The following CFAP61 variants were observed in gnomAD, a reference collection of about 807,000 sequenced individuals.
CFAP61 encodes the protein cilia and flagella associated protein 61.
In CFAP61, 107 loss-of-function variants were observed where a neutral mutation model predicts 135.6. The observed-to-expected ratio is 0.79, with a 90% CI of 0.67 to 0.93. The LOEUF is 0.93. CFAP61 is among the 40% of genes least tolerant of loss of function. The probability of loss-of-function intolerance (pLI) is 0.00; values close to 1 mark genes in which losing one functional copy is unlikely to be tolerated. For missense variants in CFAP61, 1,507 were observed against 1,556.2 expected (o/e 0.97, Z 0.53); for synonymous variants, 575 against 578.5 (o/e 0.99, Z 0.09).
At chr20:20,148,517 G>A (rs985872974) in intron 9 of CFAP61, among the ~76,000 whole-genome samples, 1 of 149,104 alleles carries the variant, frequency 6.7e-6, no homozygotes, top group African/African-American at 2.4e-5. Flanking sequence ...TTTTGTTTTT[G>A]TATTTGTGGG....
chr20:20,108,869 C>T (rs1324646453), intron 8 of CFAP61, among the ~76,000 whole-genome samples: 1 of 152,208 alleles, frequency 6.6e-6, no homozygotes, highest in Non-Finnish European at 1.5e-5. Context: ...AGGAAATTAA[C>T]ATGAATATGT....
At chr20:20,167,900 CTGCAGGGA>C (rs1468602520) in intron 12 of CFAP61, among the ~76,000 whole-genome samples, 1 of 152,202 alleles carries the variant, frequency 6.6e-6, no homozygotes, top group Non-Finnish European at 1.5e-5. Flanking sequence ...CAGGCTGCTT[CTGCAGGGA>C]CCTGGCAGAG....
intron 1 of CFAP61, chr20:20,055,897 T>G (rs1175011547): frequency 7.3e-7 from 1 of 1,370,004 alleles, no homozygotes; most frequent in Admixed American, 1.7e-5. Flanking sequence ...GAAGAGAGAC[T>G]TACAGAAATT....
rs114946489 is a variant in CFAP61 at position 20,359,779 on chromosome 20, T to A, written c.3514-431T>A. ...ACCTGGATGACTCTTGAGGACATTA[T>A]GCTAAGTGATATAAGCCAGTCACAA... On this transcript the variant is annotated intron_variant, in intron 26 of 26. Coordinates refer to ENST00000245957, the MANE Select transcript of CFAP61 (RefSeq NM_015585.4). This position sits in a 1 kb window ranked among gnomAD's most constrained non-coding sequence, Gnocchi z 4.0. Among the ~76,000 whole-genome samples the A allele has an allele frequency of 0.011, 1,716 of 152,336 alleles. 28 individuals are homozygous for A. The highest frequency in any genetic ancestry group is 0.038 in the African/African-American group (1,574 of 41,566).
chr20:20,331,547 G>A (rs148587912), intron 25 of CFAP61, among the ~76,000 whole-genome samples: 1 of 152,046 alleles, frequency 6.6e-6, no homozygotes, highest in South Asian at 2.1e-4. Context: ...AACATGGTGT[G>A]TGTGTTCTGT....
intron 1 of CFAP61, among the ~76,000 whole-genome samples, chr20:20,055,431 A>G (rs725466): frequency 0.14 from 21,449 of 151,940 alleles, 1,640 homozygotes; most frequent in East Asian, 0.22. Flanking sequence ...TAGCCCCCTC[A>G]CTTACCGAGG....
At chr20:20,182,244 CATAAT>C (rs1167976835) in intron 13 of CFAP61, among the ~76,000 whole-genome samples, 1 of 152,102 alleles carries the variant, frequency 6.6e-6, no homozygotes, top group Non-Finnish European at 1.5e-5. Context: ...GTACGGATGA[CATAAT>C]ATATATTTTT....
chr20:20,171,479 A>T, intron 13 of CFAP61, among the ~76,000 whole-genome samples: 1 of 152,170 alleles, frequency 6.6e-6, no homozygotes, highest in South Asian at 2.1e-4. Context: ...GTGAAGTTTA[A>T]TGTGTCCTTC....
At chr20:20,315,774 G>A (rs2057095202) in intron 25 of CFAP61, among the ~76,000 whole-genome samples, 1 of 152,120 alleles carries the variant, frequency 6.6e-6, no homozygotes, top group East Asian at 1.9e-4. Context: ...AGTTTTCCCA[G>A]CACCATTTAT....
chr20:20,208,656 T>C (rs1249852592), intron 17 of CFAP61, among the ~76,000 whole-genome samples: 1 of 152,234 alleles, frequency 6.6e-6, no homozygotes, highest in Non-Finnish European at 1.5e-5. Context: ...GGAGGAACAG[T>C]TGGAGGAGGA....
At position 20,360,548 on chromosome 20, in the gene CFAP61, CCT is replaced by C; in HGVS notation, c.*139_*140del. ...GTGGTTTTGTTCATTCCTTTCCTTCCCTGACTTATGCCTGTAGTTTTCTATCA... is the reference window on the plus strand; with the variant it reads ...GTGGTTTTGTTCATTCCTTTCCTTCCGACTTATGCCTGTAGTTTTCTATCA... On this transcript the variant is annotated 3_prime_UTR_variant, in exon 27 of 27. Transcript: ENST00000245957. The C allele has an allele frequency of 1.5e-6, 1 of 682,280 alleles. No individual in the cohort carries two copies. The highest frequency in any genetic ancestry group is 2.7e-5 in the East Asian group (1 of 37,666). 42.3% of individuals were successfully genotyped at this position (682,280 alleles called of 1,614,324 possible).
intron 18 of CFAP61, among the ~76,000 whole-genome samples, chr20:20,240,507 C>G (rs977017202): frequency 3.9e-5 from 6 of 152,102 alleles, no homozygotes; most frequent in African/African-American, 1.4e-4. Context: ...CTCTCCTTCC[C>G]TCTTTGTCCC....
intron 18 of CFAP61, among the ~76,000 whole-genome samples, chr20:20,244,434 T>G (rs2050272083): frequency 6.6e-6 from 1 of 152,200 alleles, no homozygotes. Context: ...CAACACCACA[T>G]GGAGGCTGCC....
At chr20:20,102,737 C>A (rs902346082) in intron 8 of CFAP61, among the ~76,000 whole-genome samples, 1 of 152,056 alleles carries the variant, frequency 6.6e-6, no homozygotes, top group Admixed American at 6.6e-5. Flanking sequence ...TCTCTTTCCT[C>A]ACTCTCCTAC....
At chr20:20,322,813 T>C (rs2057583440) in intron 25 of CFAP61, 1 of 985,414 alleles carries the variant, frequency 1.0e-6, no homozygotes, top group Non-Finnish European at 1.2e-6. Flanking sequence ...ATTAATATGG[T>C]AGGAAAGTGT....
intron 2 of CFAP61, chr20:20,070,051 C>T: frequency 4.2e-6 from 1 of 235,596 alleles, no homozygotes; most frequent in Non-Finnish European, 8.6e-6. Context: ...CTATATGCTG[C>T]CTTTAAGTGC....
chr20:20,304,086 G>GA (rs2056279882), intron 25 of CFAP61, among the ~76,000 whole-genome samples: 1 of 152,158 alleles, frequency 6.6e-6, no homozygotes, highest in African/African-American at 2.4e-5. Context: ...GACACGAGGT[G>GA]GCGGCCGAGC....
chr20:20,071,863 T>G (rs1024132240), intron 3 of CFAP61, among the ~76,000 whole-genome samples: 2 of 152,224 alleles, frequency 1.3e-5, no homozygotes, highest in African/African-American at 4.8e-5. Context: ...TAAGGACTAT[T>G]GTCAGAAAAA....
rs147868577 is a variant in CFAP61 at position 20,269,219 on chromosome 20, A to G, written c.2503+6089A>G. On this transcript the variant is annotated intron_variant, in intron 21 of 26. Coordinates refer to ENST00000245957, the MANE Select transcript of CFAP61 (RefSeq NM_015585.4). ...TACATATATGTATATATACACATAT[A>G]TACATATATGTATATATATACACGT... Among the ~76,000 whole-genome samples, 150 of 145,034 alleles carry G rather than the reference A, an allele frequency of 1.0e-3. 4 individuals carry two copies. The highest frequency in any genetic ancestry group is 3.6e-3 in the African/African-American group (142 of 39,990).
Sources: allele counts gnomAD v4.1 joint callset (sites outside exome capture counted in the v4.1 genomes callset), GRCh38; gene constraint gnomAD v4.1.1; non-coding constraint Gnocchi (gnomAD v3.1); transcripts MANE v1.5; gene names NCBI Gene and HGNC (gene_info 2026-07-23, HGNC 2026-07-21).